MAGI2: variants seen among roughly 807,000 people sequenced by gnomAD.
MAGI2 encodes the protein membrane-associated guanylate kinase, WW and PDZ domain-containing protein 2.
Under a neutral mutation model 133.3 loss-of-function variants are expected in MAGI2, and 35 were observed. That is an observed-to-expected ratio of 0.26 (90% CI 0.20 to 0.35). The LOEUF (loss-of-function observed/expected upper bound fraction) is 0.35. MAGI2 is among the 10% of genes least tolerant of loss of function. The pLI, the probability that MAGI2 is intolerant of heterozygous loss-of-function variation, is 1.00. For synonymous variants in MAGI2, 729 were observed against 710.6 expected (o/e 1.03, Z -0.41); for missense variants, 1,636 against 1,863.4 (o/e 0.88, Z 2.25).
At chr7:78,862,596 T>G (rs2151503900) in intron 2 of MAGI2, among the ~76,000 whole-genome samples, 1 of 152,380 alleles carries the variant, frequency 6.6e-6, no homozygotes, top group East Asian at 1.9e-4. Flanking sequence ...ATCTATTTTC[T>G]AATTTCATTC....
Position 78,127,320 on chromosome 7 carries a change from T to C in MAGI2, c.3300A>G (p.Gln1100=). 1 of 1,611,210 alleles carries C rather than the reference T, an allele frequency of 6.2e-7. No individual in the cohort carries two copies. Among genetic ancestry groups the C allele is most frequent in the Non-Finnish European group, 8.5e-7 (1 of 1,179,286 alleles). Residue 1100 remains glutamine (Q), a synonymous_variant, in exon 19 of 22, where the codon CAA becomes CAG. Coordinates refer to ENST00000354212, the MANE Select transcript of MAGI2 (RefSeq NM_012301.4). ...GCTGCTGGTAGTCCCCTCCTGGGGG[T>C]TGCCTGTAATCCAGCGGGGGCTGCC... The part of the protein sequence containing the change: ...DYRQPPLDYR[Q]PPGGDYQQPP...
chr7:78,565,160 G>A (rs1048463477), intron 3 of MAGI2, among the ~76,000 whole-genome samples: 1 of 151,578 alleles, frequency 6.6e-6, no homozygotes, highest in South Asian at 2.1e-4. Flanking sequence ...TTGATATAAT[G>A]GTTAAATTTT....
intron 20 of MAGI2, among the ~76,000 whole-genome samples, chr7:78,111,325 A>C (rs1313719496): frequency 6.6e-6 from 1 of 152,192 alleles, no homozygotes; most frequent in Non-Finnish European, 1.5e-5. Flanking sequence ...ACCATGAATA[A>C]TTAAAATCAA....
intron 16 of MAGI2, chr7:78,159,790 T>C (rs1007633064): frequency 2.7e-6 from 1 of 363,760 alleles, no homozygotes; most frequent in East Asian, 4.3e-5. Flanking sequence ...AGAGCTTTTA[T>C]AGGGGTGGAG....
In MAGI2 at chr7:78,203,005, G is replaced by A. The variant is rs144944027; in HGVS notation, c.2048-1812C>T. Among the ~76,000 whole-genome samples the A allele has an allele frequency of 1.7e-3, 266 of 152,290 alleles. 3 individuals are homozygous for A. Among genetic ancestry groups the A allele is most frequent in the African/African-American group, 6.2e-3 (259 of 41,568 alleles). On this transcript the variant is annotated intron_variant, in intron 10 of 21. Coordinates refer to ENST00000354212, the MANE Select transcript of MAGI2 (RefSeq NM_012301.4). Reference sequence around the variant, plus strand: ...ATACCAATGAAAACAATTTGACCATGAGTTTAAAAGTGAAACAGATTTTAA... The same window carrying A: ...ATACCAATGAAAACAATTTGACCATAAGTTTAAAAGTGAAACAGATTTTAA...
At chr7:79,104,324 T>C (rs533482295) in intron 1 of MAGI2, among the ~76,000 whole-genome samples, 1 of 152,268 alleles carries the variant, frequency 6.6e-6, no homozygotes, top group African/African-American at 2.4e-5. Flanking sequence ...CATTTAATTC[T>C]CTAGTGCTTC....
At chr7:78,322,862 G>T (rs571056988) in intron 9 of MAGI2, among the ~76,000 whole-genome samples, 3 of 152,140 alleles carry the variant, frequency 2.0e-5, no homozygotes, top group Non-Finnish European at 4.4e-5. Flanking sequence ...TGTCTTTGGA[G>T]TTTCGACCCT....
At chr7:78,782,705 C>G (rs146378778) in intron 2 of MAGI2, among the ~76,000 whole-genome samples, 55 of 152,120 alleles carry the variant, frequency 3.6e-4, no homozygotes, top group African/African-American at 1.3e-3. Context: ...GTGACTGTGT[C>G]ACATACAGAC....
At chr7:78,151,414 T>C (rs1052915171) in intron 16 of MAGI2, among the ~76,000 whole-genome samples, 6 of 152,170 alleles carry the variant, frequency 3.9e-5, no homozygotes, top group African/African-American at 1.4e-4. Flanking sequence ...GAGGTGGTGC[T>C]CACACAGATG....
intron 2 of MAGI2, among the ~76,000 whole-genome samples, chr7:78,827,663 T>A (rs953923588): frequency 9.9e-5 from 15 of 152,266 alleles, no homozygotes; most frequent in South Asian, 2.1e-4. Flanking sequence ...AAGGAAGTGC[T>A]AAACATATAA....
chr7:79,436,879 A>G (rs191845958), intron 1 of MAGI2, among the ~76,000 whole-genome samples: 2 of 152,280 alleles, frequency 1.3e-5, no homozygotes, highest in African/African-American at 4.8e-5. Flanking sequence ...TGTTCTATCA[A>G]AAAGATACCT....
At chr7:78,335,342 A>C (rs183039033) in intron 9 of MAGI2, among the ~76,000 whole-genome samples, 1 of 152,298 alleles carries the variant, frequency 6.6e-6, no homozygotes, top group East Asian at 1.9e-4. Flanking sequence ...CCCAAGTCAG[A>C]GAATGGGAGT....
At chr7:78,974,463 TAGTAA>T (rs1323169429) in intron 2 of MAGI2, among the ~76,000 whole-genome samples, 1 of 151,912 alleles carries the variant, frequency 6.6e-6, no homozygotes, top group African/African-American at 2.4e-5. Flanking sequence ...CAATCACACT[TAGTAA>T]AGTAAAAAGT....
chr7:79,028,877 A>T (rs913600754), intron 1 of MAGI2, among the ~76,000 whole-genome samples: 3 of 152,142 alleles, frequency 2.0e-5, no homozygotes, highest in Non-Finnish European at 1.5e-5. Context: ...TAAATTACCT[A>T]TTCATGCAAA....
intron 2 of MAGI2, among the ~76,000 whole-genome samples, chr7:78,758,898 C>A (rs909997518): frequency 1.3e-5 from 2 of 152,156 alleles, no homozygotes; most frequent in Non-Finnish European, 2.9e-5. Flanking sequence ...ATTCGCATTA[C>A]TCTGGTAGTT....
intron 10 of MAGI2, among the ~76,000 whole-genome samples, chr7:78,209,365 C>A (rs1274916707): frequency 5.4e-5 from 8 of 148,516 alleles, no homozygotes; most frequent in African/African-American, 1.5e-4. Flanking sequence ...GGGTTCAGGC[C>A]ATTCTCCTGT....
chr7:79,104,705 A>AAAAAG (rs953999863), intron 1 of MAGI2, among the ~76,000 whole-genome samples: 3 of 152,122 alleles, frequency 2.0e-5, no homozygotes, highest in South Asian at 4.1e-4. Context: ...TTTAAAATAC[A>AAAAAG]AAAAGAAAAG....
chr7:78,444,714 TTTCTACTG>T (rs2151467328), intron 6 of MAGI2, among the ~76,000 whole-genome samples: 2 of 151,820 alleles, frequency 1.3e-5, no homozygotes, highest in South Asian at 4.2e-4. Flanking sequence ...ACTTTTGAAC[TTTCTACTG>T]TTCTGTTTTC....
chr7:78,277,907 GGCAGACAGAAGA>G (rs911147374), intron 9 of MAGI2, among the ~76,000 whole-genome samples: 1 of 152,062 alleles, frequency 6.6e-6, no homozygotes, highest in African/African-American at 2.4e-5. Context: ...AATCAGAGCA[GGCAGACAGAAGA>G]GCAAAGAGGA....
Sources: gnomAD v4.1 joint callset for allele counts (sites outside exome capture counted in the v4.1 genomes callset) on GRCh38, gnomAD v4.1.1 for gene constraint, MANE v1.5 for transcripts, NCBI Gene and HGNC (gene_info 2026-07-23, HGNC 2026-07-21) for gene names.